The following PPP1R12A variants were observed in gnomAD, a reference collection of about 807,000 sequenced individuals.
PPP1R12A encodes myosin binding subunit.
PPP1R12A carries 19 observed loss-of-function variants against 139.6 expected under a neutral mutation model. The ratio of observed to expected loss-of-function variants is 0.14; its 90% confidence interval spans 0.09 to 0.20. The LOEUF (loss-of-function observed/expected upper bound fraction) is 0.20, where lower values mean the gene tolerates loss of function less well. Among genes scored for constraint, PPP1R12A ranks in the 10% least tolerant of loss-of-function variants. The pLI is 1.00. For missense variants in PPP1R12A, 925 were observed against 1,211.5 expected (o/e 0.76, Z 3.51); for synonymous variants, 427 against 420.6 (o/e 1.02, Z -0.19).
rs147263375 is a variant in PPP1R12A, at chr12:79,851,754, A to G, written c.369-6334T>C. On this transcript the variant is annotated intron_variant, in intron 2 of 24. Coordinates refer to ENST00000450142, the MANE Select transcript of PPP1R12A (RefSeq NM_002480.3). Reference sequence around the variant, plus strand: ...GCCCTCTTTCTCCACTTCTTCAGAGAGATCTGATGGCATAGATGTTTGCTC... The same window carrying G: ...GCCCTCTTTCTCCACTTCTTCAGAGGGATCTGATGGCATAGATGTTTGCTC... 2.3e-3 allele frequency among the ~76,000 whole-genome samples: 344 copies of G among 152,288 alleles called. 2 individuals are homozygous for G. The highest frequency in any genetic ancestry group is 3.4e-3 in the Middle Eastern group (1 of 294).
chr12:79,811,686 C>T (rs1211670581), intron 9 of PPP1R12A, among the ~76,000 whole-genome samples: 2 of 152,166 alleles, frequency 1.3e-5, no homozygotes, highest in Non-Finnish European at 2.9e-5. Flanking sequence ...TATTAATACA[C>T]AAATGATTGA....
intron 1 of PPP1R12A, among the ~76,000 whole-genome samples, chr12:79,902,828 T>G (rs1323188922): frequency 6.6e-6 from 1 of 152,014 alleles, no homozygotes; most frequent in African/African-American, 2.4e-5. Context: ...AAGTGGAAAA[T>G]TCCACACCTG....
In PPP1R12A at chr12:79,786,430, G is replaced by T; in HGVS notation, c.2851C>A (p.His951Asn). 6.4e-7 allele frequency: 1 copy of T among 1,564,366 alleles called. No individual in the cohort carries two copies. Among genetic ancestry groups the T allele is most frequent in the Admixed American group, 1.9e-5 (1 of 51,962 alleles). The change falls in exon 22 of 25, where the codon CAT (histidine) becomes AAT (asparagine). Residue 951 changes from histidine (H) to asparagine (N), a missense_variant. By Grantham distance (68) the His-to-Asn change is moderately conservative. This residue lies in a region of PPP1R12A where 315 missense variants were observed against 363.4 expected (regional missense o/e 0.87). Transcript: ENST00000450142. The part of the protein sequence containing the change: ...AENEKLKAQL[H>N]DTNMELTDLK... ...TCTGTTAGTTCCATATTTGTATCAT[G>T]TAGCTGTGCCTTCAGCTTTTCATTT...
chr12:79,802,911 T>A (rs904440508), intron 14 of PPP1R12A, among the ~76,000 whole-genome samples: 2 of 152,250 alleles, frequency 1.3e-5, no homozygotes, highest in East Asian at 1.9e-4. Context: ...ATTTAGTGTA[T>A]AACAGAGAAA....
chr12:79,843,176 T>A (rs1878954154), intron 3 of PPP1R12A, among the ~76,000 whole-genome samples: 1 of 152,212 alleles, frequency 6.6e-6, no homozygotes, highest in Non-Finnish European at 1.5e-5. Context: ...TATTTATTCA[T>A]CCATCAATGA....
rs558486907 is a variant in PPP1R12A, at chr12:79,873,622, C to T, written c.238-684G>A. On this transcript the variant is annotated intron_variant, in intron 1 of 24. Coordinates refer to ENST00000450142, the MANE Select transcript of PPP1R12A (RefSeq NM_002480.3). ...AAGGCTGCAATGAACTATGATCACA[C>T]CACTGCACTCCAACCTGGGCAACAG... 3.3e-5 allele frequency among the ~76,000 whole-genome samples: 5 copies of T among 152,096 alleles called. No homozygotes were observed. In the East Asian group the frequency reaches 9.7e-4, roughly 29 times the overall value.
chr12:79,913,576 G>C (rs1438847393), intron 1 of PPP1R12A, among the ~76,000 whole-genome samples: 1 of 152,034 alleles, frequency 6.6e-6, no homozygotes, highest in South Asian at 2.1e-4. Context: ...CTTAATTATT[G>C]TGGCTTTATA....
At chr12:79,893,003 C>T (rs1425940809) in intron 1 of PPP1R12A, among the ~76,000 whole-genome samples, 1 of 151,558 alleles carries the variant, frequency 6.6e-6, no homozygotes, top group African/African-American at 2.4e-5. Context: ...ATTCAGGAGG[C>T]TGAGGCAGGA....
intron 2 of PPP1R12A, among the ~76,000 whole-genome samples, chr12:79,872,163 T>C (rs926127819): frequency 6.6e-6 from 1 of 152,142 alleles, no homozygotes; most frequent in East Asian, 1.9e-4. Flanking sequence ...AGCTTTCATA[T>C]ATGAGCAGAG....
At chr12:79,914,242 A>T (rs1886818673) in intron 1 of PPP1R12A, among the ~76,000 whole-genome samples, 1 of 152,028 alleles carries the variant, frequency 6.6e-6, no homozygotes, top group African/African-American at 2.4e-5. Flanking sequence ...AAAATTCAAA[A>T]TGGTATTTTA....
intron 1 of PPP1R12A, among the ~76,000 whole-genome samples, chr12:79,926,987 A>T (rs1887895439): frequency 1.3e-5 from 2 of 152,150 alleles, no homozygotes; most frequent in African/African-American, 4.8e-5. Flanking sequence ...ACTTGGGCCC[A>T]GAAGTTTGAG....
chr12:79,840,956 ATCCC>A (rs1431624957), intron 3 of PPP1R12A, among the ~76,000 whole-genome samples: 1 of 151,828 alleles, frequency 6.6e-6, no homozygotes, highest in African/African-American at 2.4e-5. Flanking sequence ...TCTCCTACAA[ATCCC>A]GCCCTGACTT....
intron 22 of PPP1R12A, among the ~76,000 whole-genome samples, chr12:79,783,295 CAAAA>C (rs5799441): frequency 6.0e-5 from 7 of 117,082 alleles, no homozygotes; most frequent in African/African-American, 1.4e-4. Flanking sequence ...CCGTCTCTAC[CAAAA>C]AAAAAAAAAA....
chr12:79,805,486 C>T (rs1364016247), intron 14 of PPP1R12A, 106 bp downstream of exon 14: 6 of 1,005,866 alleles, frequency 6.0e-6, no homozygotes, highest in Non-Finnish European at 8.7e-6. Context: ...ATTTATTAGT[C>T]TACTGGAGAG....
chr12:79,797,197 C>T lies in PPP1R12A; in HGVS notation c.2290G>A (p.Glu764Lys). Residue 764 changes from glutamate to lysine, a missense_variant and splice_region_variant, in exon 16 of 25, where the codon GAG becomes AAG. By Grantham distance (56) the Glu-to-Lys change is moderately conservative. Coordinates refer to ENST00000450142, the MANE Select transcript of PPP1R12A (RefSeq NM_002480.3). ...YKQKYSRTYD[E>K]TYQRYRPVST... The stretch of plus-strand genomic sequence containing the variant: ...ATGTGCTTTTGATATACTGTTACCT[C>T]ATCATACGTTCTGGAGTACTTTTGT... 2 of 1,580,266 alleles carry T rather than the reference C, an allele frequency of 1.3e-6. No individual in the cohort carries two copies. Among genetic ancestry groups the T allele is most frequent in the Non-Finnish European group, 1.7e-6 (2 of 1,163,528 alleles).
intron 24 of PPP1R12A, among the ~76,000 whole-genome samples, chr12:79,776,616 C>G (rs1869758853): frequency 6.6e-6 from 1 of 151,892 alleles, no homozygotes; most frequent in African/African-American, 2.4e-5. Flanking sequence ...CATGTTTAAG[C>G]TAAAGTAGAA....
intron 1 of PPP1R12A, among the ~76,000 whole-genome samples, chr12:79,925,767 C>G (rs903594067): frequency 5.9e-5 from 9 of 151,520 alleles, no homozygotes; most frequent in African/African-American, 1.9e-4. Context: ...CATAACAATG[C>G]AAAGATAAAC....
At chr12:79,828,547 AACT>A (rs1877058464) in intron 4 of PPP1R12A, 83 bp from the exon 5 acceptor site, 1 of 1,060,860 alleles carries the variant, frequency 9.4e-7, no homozygotes, top group African/African-American at 1.6e-5. Context: ...CATGCAATTT[AACT>A]ACAATTTTCA....
At chr12:79,839,689 A>G (rs541052877) in intron 3 of PPP1R12A, among the ~76,000 whole-genome samples, 1 of 152,242 alleles carries the variant, frequency 6.6e-6, no homozygotes, top group African/African-American at 2.4e-5. Context: ...CGTGTGAAGA[A>G]GGATATGTTT....
Sources: allele counts gnomAD v4.1 joint callset (sites outside exome capture counted in the v4.1 genomes callset), GRCh38; gene constraint gnomAD v4.1.1; regional missense constraint gnomAD v4.1.1; transcripts MANE v1.5; gene names NCBI Gene and HGNC (gene_info 2026-07-23, HGNC 2026-07-21).